Variants in RAB3GAP2 observed in about 807,000 individuals in gnomAD.
RAB3GAP2 encodes the protein rab3 GTPase-activating protein non-catalytic subunit.
A neutral mutation model predicts 185.3 loss-of-function variants in RAB3GAP2; 87 were observed. The observed-to-expected ratio is 0.47, with a 90% CI of 0.39 to 0.56. The LOEUF is 0.56. RAB3GAP2 is among the 20% of genes least tolerant of loss of function. The probability of loss-of-function intolerance (pLI) is 0.00; values close to 1 mark genes in which losing one functional copy is unlikely to be tolerated. For synonymous variants in RAB3GAP2, 554 were observed against 576.1 expected (o/e 0.96, Z 0.55); for missense variants, 1,492 against 1,638.2 (o/e 0.91, Z 1.54).
At chr1:220,236,366 G>C (rs1020149138) in intron 1 of RAB3GAP2, among the ~76,000 whole-genome samples, 2 of 151,842 alleles carry the variant, frequency 1.3e-5, no homozygotes, top group African/African-American at 4.8e-5. Flanking sequence ...TAGTAGAGAC[G>C]GGGGTTTCAC....
chr1:220,154,224 A>T lies in RAB3GAP2; in HGVS notation c.3556-167T>A, dbSNP rs1039976621. 30 of 998,000 alleles carry T rather than the reference A, an allele frequency of 3.0e-5. 1 individual carries two copies. In the South Asian group the frequency reaches 5.4e-4, roughly 18 times the overall value. 61.8% of individuals were successfully genotyped at this position (998,000 alleles called of 1,614,324 possible). A position where few individuals can be genotyped will look rare whatever the true frequency, so the allele number is the denominator to read the frequency against. On this transcript the variant is annotated intron_variant, in intron 31 of 34. Coordinates refer to ENST00000358951, the MANE Select transcript of RAB3GAP2 (RefSeq NM_012414.4). Reference sequence around the variant, plus strand: ...AACAATTATCTAGTATATAGTAGACAGCCTTTAAGATGAAACCCAGTGATC... The same window carrying T: ...AACAATTATCTAGTATATAGTAGACTGCCTTTAAGATGAAACCCAGTGATC...
intron 1 of RAB3GAP2, among the ~76,000 whole-genome samples, chr1:220,268,421 G>A (rs975428197): frequency 1.1e-4 from 16 of 152,146 alleles, no homozygotes; most frequent in African/African-American, 3.1e-4. Context: ...CTTGAATACC[G>A]TAGAGTACAG....
At chr1:220,268,791 T>C (rs1457856398) in intron 1 of RAB3GAP2, among the ~76,000 whole-genome samples, 1 of 152,238 alleles carries the variant, frequency 6.6e-6, no homozygotes, top group Non-Finnish European at 1.5e-5. Flanking sequence ...ATCTAGATGT[T>C]TGGGGTGTAT....
chr1:220,223,800 T>TAA (rs1477881313), intron 2 of RAB3GAP2, among the ~76,000 whole-genome samples: 1 of 151,924 alleles, frequency 6.6e-6, no homozygotes. Flanking sequence ...CATACACTGC[T>TAA]ATTTGGAATA....
chr1:220,211,988 G>A (rs958012238), intron 4 of RAB3GAP2, among the ~76,000 whole-genome samples: 1 of 152,156 alleles, frequency 6.6e-6, no homozygotes, highest in African/African-American at 2.4e-5. Flanking sequence ...TGAATTCAAA[G>A]TATGAAGGAT....
intron 19 of RAB3GAP2, among the ~76,000 whole-genome samples, chr1:220,183,535 A>G (rs1271936314): frequency 6.6e-6 from 1 of 152,116 alleles, no homozygotes; most frequent in Non-Finnish European, 1.5e-5. Context: ...TTACAGGTGC[A>G]AGCCACTATG....
chr1:220,213,743 G>GT (rs550502152), intron 3 of RAB3GAP2, 113 bp downstream of exon 3: 2 of 971,722 alleles, frequency 2.1e-6, no homozygotes, highest in Non-Finnish European at 2.9e-6. Context: ...GGGGGGGGGG[G>GT]GAGAGAGAGA....
chr1:220,188,978 G>A (rs184142374), intron 17 of RAB3GAP2, among the ~76,000 whole-genome samples: 267 of 152,136 alleles, frequency 1.8e-3, no homozygotes, highest in African/African-American at 6.1e-3. Context: ...GAAAAGGCAG[G>A]AAATGCATCA....
At chr1:220,163,489 A>G (rs1392942777) in intron 27 of RAB3GAP2, among the ~76,000 whole-genome samples, 1 of 150,454 alleles carries the variant, frequency 6.6e-6, no homozygotes, top group Non-Finnish European at 1.5e-5. Flanking sequence ...CAGCCTCCCG[A>G]GTAGCTGGGA....
At chr1:220,233,584 T>C (rs1462724863) in intron 1 of RAB3GAP2, among the ~76,000 whole-genome samples, 3 of 152,234 alleles carry the variant, frequency 2.0e-5, no homozygotes, top group Non-Finnish European at 4.4e-5. Flanking sequence ...AAGCATGAGA[T>C]ACTTTGTATG....
At chr1:220,176,508 A>G (rs1308849716) in intron 21 of RAB3GAP2, among the ~76,000 whole-genome samples, 2 of 152,122 alleles carry the variant, frequency 1.3e-5, no homozygotes, top group African/African-American at 4.8e-5. Flanking sequence ...CACCAAAACC[A>G]TTTGCCATGG....
chr1:220,267,026 G>T, intron 1 of RAB3GAP2: 2 of 1,611,620 alleles, frequency 1.2e-6, no homozygotes, highest in Non-Finnish European at 1.7e-6. Flanking sequence ...ATCATTTCGG[G>T]GGGCAGGTAG....
rs760627546 is a variant in RAB3GAP2 at position 220,182,839 on chromosome 1, A to C, written c.2091T>G (p.Asn697Lys). 22 of 1,613,542 alleles carry C rather than the reference A, an allele frequency of 1.4e-5. No individual in the cohort carries two copies. Among genetic ancestry groups the C allele is most frequent in the South Asian group, 1.1e-5 (1 of 91,072 alleles). The change falls in exon 20 of 35, where the codon AAT becomes AAG. Residue 697 changes from asparagine (N) to lysine (K), a missense_variant. By Grantham distance (94) the Asn-to-Lys change is moderately conservative. Coordinates refer to ENST00000358951, the MANE Select transcript of RAB3GAP2 (RefSeq NM_012414.4). ...CATCTTTATCATCAGAAAATCGAACATTTGTCCTGGTGTTCTCTTGCTTAT... is the reference window on the plus strand; with the variant it reads ...CATCTTTATCATCAGAAAATCGAACCTTTGTCCTGGTGTTCTCTTGCTTAT... ...EKYKQENTRTNVRFSDDKDGV... is the reference protein window; with the variant it reads ...EKYKQENTRTKVRFSDDKDGV...
chr1:220,189,966 C>T, intron 16 of RAB3GAP2, 98 bp downstream of exon 16: 1 of 1,128,700 alleles, frequency 8.9e-7, no homozygotes, highest in Admixed American at 1.8e-5. Context: ...CCAATAAGCT[C>T]ATCCATGCAT....
At chr1:220,232,477 A>C (rs1033950075) in intron 2 of RAB3GAP2, among the ~76,000 whole-genome samples, 5 of 152,170 alleles carry the variant, frequency 3.3e-5, no homozygotes, top group Non-Finnish European at 7.4e-5. Flanking sequence ...ATGATGCAGC[A>C]AGAAGGCTCT....
At chr1:220,262,327 A>T (rs960807966) in intron 1 of RAB3GAP2, among the ~76,000 whole-genome samples, 1 of 151,918 alleles carries the variant, frequency 6.6e-6, no homozygotes, top group Admixed American at 6.6e-5. Context: ...ACAAACAAAC[A>T]AACAAAAAAA....
At position 220,196,403 on chromosome 1, in the gene RAB3GAP2, TAA is replaced by T. The variant is rs35396665; in HGVS notation, c.812-7_812-6del. ...AGGGGGACAGAGTCATAATACCTAA[TAA>T]AAAAAAAAAAGTGATTTGAATGTAC... On this transcript the variant is annotated splice_polypyrimidine_tract_variant and splice_region_variant and intron_variant, in intron 9 of 34. Coordinates refer to ENST00000358951, the MANE Select transcript of RAB3GAP2 (RefSeq NM_012414.4). The T allele has an allele frequency of 5.2e-4, 698 of 1,342,468 alleles. No homozygotes were observed. The highest frequency in any genetic ancestry group is 1.0e-3 in the East Asian group (39 of 39,080). The allele number at this position is 1,342,468 out of a possible 1,614,324, so 83.2% of individuals were successfully genotyped here.
At chr1:220,253,422 T>C in intron 1 of RAB3GAP2, 1 of 1,283,336 alleles carries the variant, frequency 7.8e-7, no homozygotes, top group Non-Finnish European at 1.1e-6. Context: ...TATGGTAGAG[T>C]GGCCAGACTG....
At chr1:220,245,672 C>T (rs1471054823) in intron 1 of RAB3GAP2, among the ~76,000 whole-genome samples, 4 of 151,812 alleles carry the variant, frequency 2.6e-5, no homozygotes, top group Non-Finnish European at 5.9e-5. Context: ...CACCACAGCT[C>T]AAGGAGGCCT....
Sources: gnomAD v4.1 joint callset for allele counts (sites outside exome capture counted in the v4.1 genomes callset) on GRCh38, gnomAD v4.1.1 for gene constraint, MANE v1.5 for transcripts, NCBI Gene and HGNC (gene_info 2026-07-23, HGNC 2026-07-21) for gene names.